Variants in NTM observed in about 807,000 individuals in gnomAD.
The protein encoded by NTM is IgLON family member 2.
NTM carries 13 observed loss-of-function variants against 42.1 expected under a neutral mutation model. The ratio of observed to expected loss-of-function variants is 0.31; its 90% CI spans 0.20 to 0.49. The LOEUF is 0.49. Ranked by LOEUF, NTM falls within the 20% of genes least tolerant of loss-of-function variation. The pLI is 0.99. For missense variants in NTM, 373 were observed against 452.8 expected, an observed-to-expected ratio of 0.82 and a Z score of 1.60; for synonymous variants, 187 against 179.2, an observed-to-expected ratio of 1.04 and a Z score of -0.35.
At chr11:131,986,553 C>A (rs1378210098) in intron 2 of NTM, among the ~76,000 whole-genome samples, 1 of 152,192 alleles carries the variant, frequency 6.6e-6, no homozygotes, top group Non-Finnish European at 1.5e-5. Context: ...TTATACACAA[C>A]TCACCAGAGT....
chr11:131,824,450 A>T (rs1443224527), intron 1 of NTM, among the ~76,000 whole-genome samples: 3 of 152,228 alleles, frequency 2.0e-5, no homozygotes, highest in African/African-American at 7.2e-5. Context: ...GACACATAAG[A>T]TAATAAAAGG....
chr11:131,463,887 C>G (rs1420625230), intron 1 of NTM, among the ~76,000 whole-genome samples: 1 of 152,226 alleles, frequency 6.6e-6, no homozygotes, highest in Non-Finnish European at 1.5e-5. Flanking sequence ...GCAGCCTGCC[C>G]TGGCAGCTTC....
intron 1 of NTM, among the ~76,000 whole-genome samples, chr11:131,818,038 A>C (rs1159725648): frequency 6.6e-6 from 1 of 152,224 alleles, no homozygotes; most frequent in Non-Finnish European, 1.5e-5. Context: ...GGGTGTTGAC[A>C]GTACACACTT....
intron 1 of NTM, among the ~76,000 whole-genome samples, chr11:131,814,767 C>T (rs1181597893): frequency 6.6e-6 from 1 of 152,220 alleles, no homozygotes; most frequent in Non-Finnish European, 1.5e-5. Flanking sequence ...AATCCACCAC[C>T]TCTGCAGCTG....
chr11:131,570,401 T>G (rs1411685496), intron 1 of NTM, among the ~76,000 whole-genome samples: 2 of 152,210 alleles, frequency 1.3e-5, no homozygotes, highest in Admixed American at 1.3e-4. Flanking sequence ...ATCCTAAAAT[T>G]TTCTAAAACC....
chr11:131,426,842 C>T (rs1347948480), intron 1 of NTM, among the ~76,000 whole-genome samples: 1 of 152,142 alleles, frequency 6.6e-6, no homozygotes, highest in South Asian at 2.1e-4. Context: ...ATTGAGTTCA[C>T]TGGGTCAACA....
At chr11:131,882,468 C>T (rs2049690516) in intron 1 of NTM, among the ~76,000 whole-genome samples, 1 of 152,232 alleles carries the variant, frequency 6.6e-6, no homozygotes. Context: ...CATTTAAAAA[C>T]ACCTGCCCAT....
intron 2 of NTM, among the ~76,000 whole-genome samples, chr11:131,929,346 C>G (rs573278712): frequency 6.6e-6 from 1 of 152,242 alleles, no homozygotes; most frequent in South Asian, 2.1e-4. Context: ...GTGGGCGGGG[C>G]CTGGTCCAAG....
chr11:131,904,572 G>A (rs568986106), intron 1 of NTM, among the ~76,000 whole-genome samples: 3 of 152,306 alleles, frequency 2.0e-5, no homozygotes, highest in East Asian at 1.9e-4. Context: ...AGACCTGAGC[G>A]TGTTGGGCCT....
chr11:131,627,016 G>A (rs914096726), intron 1 of NTM, among the ~76,000 whole-genome samples: 4 of 152,180 alleles, frequency 2.6e-5, no homozygotes, highest in East Asian at 1.9e-4. Flanking sequence ...AGGATCTGGC[G>A]TGTTTGACAA....
intron 1 of NTM, among the ~76,000 whole-genome samples, chr11:131,460,550 T>G (rs1951282504): frequency 6.6e-6 from 1 of 152,124 alleles, no homozygotes; most frequent in Non-Finnish European, 1.5e-5. Context: ...GCTTTCTTTC[T>G]TTTTTCTTTT....
chr11:131,501,470 A>T (rs1473748095), intron 1 of NTM, among the ~76,000 whole-genome samples: 2 of 152,150 alleles, frequency 1.3e-5, no homozygotes, highest in East Asian at 3.9e-4. Flanking sequence ...GGGTGTGAGG[A>T]GGAACATGCA....
intron 1 of NTM, among the ~76,000 whole-genome samples, chr11:131,858,164 C>T (rs1339589432): frequency 6.6e-6 from 1 of 152,048 alleles, no homozygotes; most frequent in African/African-American, 2.4e-5. Context: ...AAATGCTAAC[C>T]CTTGCCTTCC....
intron 1 of NTM, among the ~76,000 whole-genome samples, chr11:131,706,232 A>G (rs770220595): frequency 6.6e-6 from 1 of 152,036 alleles, no homozygotes; most frequent in African/African-American, 2.4e-5. Context: ...TTGTCAGAAG[A>G]GACCAAAAAA....
intron 2 of NTM, among the ~76,000 whole-genome samples, chr11:132,135,047 C>T (rs1361388410): frequency 6.6e-6 from 1 of 152,026 alleles, no homozygotes; most frequent in Non-Finnish European, 1.5e-5. Context: ...CTCCCCAAAT[C>T]CTCCTCCCCT....
intron 3 of NTM, among the ~76,000 whole-genome samples, chr11:132,184,186 A>G (rs558931488): frequency 1.3e-5 from 2 of 152,134 alleles, no homozygotes; most frequent in Admixed American, 6.5e-5. Context: ...GTGTTTACCC[A>G]CAGAAGAGGG....
chr11:131,411,215 C>T (rs1272093533), intron 1 of NTM, among the ~76,000 whole-genome samples: 1 of 152,126 alleles, frequency 6.6e-6, no homozygotes, highest in Non-Finnish European at 1.5e-5. Context: ...GAGTGGAAGT[C>T]CATGTGCATC....
intron 2 of NTM, among the ~76,000 whole-genome samples, chr11:132,144,145 T>G (rs1350172504): frequency 6.6e-6 from 1 of 152,206 alleles, no homozygotes; most frequent in Non-Finnish European, 1.5e-5. Context: ...TTTTGTGTAG[T>G]GTGGTGCTAG....
At chr11:131,924,122 A>T (rs942774734) in intron 2 of NTM, among the ~76,000 whole-genome samples, 1 of 152,222 alleles carries the variant, frequency 6.6e-6, no homozygotes, top group Admixed American at 6.5e-5. Flanking sequence ...TATGTGTGGA[A>T]ATGCACAGTG....
Sources: gnomAD v4.1 joint callset for allele counts (sites outside exome capture counted in the v4.1 genomes callset) on GRCh38, gnomAD v4.1.1 for gene constraint, MANE v1.5 for transcripts, NCBI Gene and HGNC (gene_info 2026-07-23, HGNC 2026-07-21) for gene names.